The following HIVEP3 variants were observed in gnomAD, a reference collection of about 807,000 sequenced individuals.
HIVEP3 encodes transcription factor HIVEP3.
A neutral mutation model predicts 152.8 loss-of-function variants in HIVEP3; 49 were observed. The ratio of observed to expected loss-of-function variants is 0.32; its 90% CI spans 0.26 to 0.41. The LOEUF (loss-of-function observed/expected upper bound fraction) is 0.41. Among genes scored for constraint, HIVEP3 ranks in the 10% least tolerant of loss-of-function variants. The pLI is 1.00. For synonymous variants in HIVEP3, 1,269 were observed against 1,289.0 expected, an observed-to-expected ratio of 0.98 and a Z score of 0.33; for missense variants, 2,790 against 3,103.3, an observed-to-expected ratio of 0.90 and a Z score of 2.40.
At chr1:41,966,491 T>TTTTTTA (rs1645198782) in intron 1 of HIVEP3, among the ~76,000 whole-genome samples, 1 of 144,570 alleles carries the variant, frequency 6.9e-6, no homozygotes, top group African/African-American at 2.6e-5. Context: ...TTTTTTTTTT[T>TTTTTTA]GAGATGGAGT....
At chr1:41,946,525 G>T (rs1231111005) in intron 1 of HIVEP3, among the ~76,000 whole-genome samples, 1 of 152,190 alleles carries the variant, frequency 6.6e-6, no homozygotes, top group East Asian at 1.9e-4. Context: ...TGTGACTGGG[G>T]AACTTTACTC....
intron 2 of HIVEP3, among the ~76,000 whole-genome samples, chr1:41,638,797 C>T (rs1170577575): frequency 1.3e-5 from 2 of 152,206 alleles, no homozygotes; most frequent in African/African-American, 2.4e-5. Flanking sequence ...TGGTAGGGGC[C>T]GCATCCGGTC....
chr1:41,802,507 C>T (rs908533262), intron 1 of HIVEP3, among the ~76,000 whole-genome samples: 1 of 152,210 alleles, frequency 6.6e-6, no homozygotes, highest in Non-Finnish European at 1.5e-5. Context: ...TGAACCATTG[C>T]ACCTGGCCCC....
At chr1:41,988,506 G>A (rs565851491) in intron 1 of HIVEP3, among the ~76,000 whole-genome samples, 70 of 152,230 alleles carry the variant, frequency 4.6e-4, no homozygotes, top group Non-Finnish European at 7.9e-4. Flanking sequence ...AATTAAAATC[G>A]CAATTAGATA....
At chr1:41,975,470 T>C in intron 1 of HIVEP3, among the ~76,000 whole-genome samples, 1 of 152,262 alleles carries the variant, frequency 6.6e-6, no homozygotes, top group East Asian at 1.9e-4. Flanking sequence ...TCAGGAGATA[T>C]TGATTGAATG....
chr1:41,878,278 A>G (rs781070585), intron 1 of HIVEP3, among the ~76,000 whole-genome samples: 4 of 152,190 alleles, frequency 2.6e-5, no homozygotes, highest in Non-Finnish European at 5.9e-5. Flanking sequence ...ACTTTGCTCT[A>G]AAACACATAA....
intron 1 of HIVEP3, among the ~76,000 whole-genome samples, chr1:41,810,283 C>A (rs763895015): frequency 3.9e-5 from 6 of 152,194 alleles, no homozygotes; most frequent in Non-Finnish European, 8.8e-5. Flanking sequence ...AGTTGCTTAT[C>A]TCAAATAACT....
At chr1:41,514,551 C>T (rs1439622750) in intron 7 of HIVEP3, among the ~76,000 whole-genome samples, 3 of 152,194 alleles carry the variant, frequency 2.0e-5, no homozygotes, top group Non-Finnish European at 1.5e-5. Flanking sequence ...GGCTGCAGAG[C>T]AGGTCCCCAT....
chr1:41,987,161 C>T (rs1258540741), intron 1 of HIVEP3, among the ~76,000 whole-genome samples: 1 of 152,076 alleles, frequency 6.6e-6, no homozygotes, highest in African/African-American at 2.4e-5. Context: ...TTGAAGCTTA[C>T]AAGATAGTGA....
chr1:41,573,939 C>T (rs1408698991), intron 5 of HIVEP3, among the ~76,000 whole-genome samples: 3 of 152,090 alleles, frequency 2.0e-5, no homozygotes, highest in African/African-American at 7.2e-5. Context: ...GGTGATGTTC[C>T]CCCTCCTTCA....
intron 1 of HIVEP3, among the ~76,000 whole-genome samples, chr1:41,942,045 G>T (rs1645048657): frequency 6.6e-6 from 1 of 152,082 alleles, no homozygotes; most frequent in Admixed American, 6.5e-5. Flanking sequence ...AAAAAGGGAG[G>T]AAGGACATGG....
rs948551011 is a variant in HIVEP3 at position 41,804,323 on chromosome 1, G to A, written c.-800-103328C>T. On this transcript the variant is annotated intron_variant, in intron 1 of 8. Coordinates refer to ENST00000372583, the MANE Select transcript of HIVEP3 (RefSeq NM_024503.5). Reference sequence around the variant, plus strand: ...GTTTTCATGGCTCTCCCCACCAACCGACAGAAGGTTCCTGTGTGAAAGCTA... The same window carrying A: ...GTTTTCATGGCTCTCCCCACCAACCAACAGAAGGTTCCTGTGTGAAAGCTA... Among the ~76,000 whole-genome samples, 15 of 152,250 alleles carry A rather than the reference G, an allele frequency of 9.9e-5. No homozygotes were observed. The South Asian group carries it at 2.1e-3, about 21-fold the overall frequency.
rs371333646 is a variant in HIVEP3 at position 41,750,652 on chromosome 1, T to C, written c.-800-49657A>G. ...AAACCACTCAAGACCCTTGAAAATC[T>C]CTGTAGATTGGGCACTCTTTATCAC... On this transcript the variant is annotated intron_variant, in intron 1 of 8. Coordinates refer to ENST00000372583, the MANE Select transcript of HIVEP3 (RefSeq NM_024503.5). 8.6e-5 allele frequency among the ~76,000 whole-genome samples: 13 copies of C among 151,512 alleles called. No individual in the cohort carries two copies. The East Asian group carries it at 9.7e-4, about 11-fold the overall frequency.
intron 2 of HIVEP3, among the ~76,000 whole-genome samples, chr1:41,631,182 C>G (rs975230890): frequency 6.6e-6 from 1 of 152,258 alleles, no homozygotes; most frequent in Non-Finnish European, 1.5e-5. Context: ...CTGGTTTGCC[C>G]GCTGCAGGCA....
chr1:41,810,017 A>G (rs902333972), intron 1 of HIVEP3, among the ~76,000 whole-genome samples: 1 of 152,208 alleles, frequency 6.6e-6, no homozygotes, highest in Non-Finnish European at 1.5e-5. Context: ...GCAGCTGCCC[A>G]AATTGCAGCC....
intron 1 of HIVEP3, among the ~76,000 whole-genome samples, chr1:41,932,301 T>TTTTG (rs553094471): frequency 1.3e-5 from 2 of 151,904 alleles, no homozygotes; most frequent in Admixed American, 6.6e-5. Flanking sequence ...TGTTTTGTTT[T>TTTTG]TTTGTTTGTT....
intron 1 of HIVEP3, among the ~76,000 whole-genome samples, chr1:41,796,046 C>A (rs1236844815): frequency 6.6e-6 from 1 of 152,162 alleles, no homozygotes; most frequent in Non-Finnish European, 1.5e-5. Flanking sequence ...TTTCAGCGGA[C>A]AGAACTGGAA....
intron 1 of HIVEP3, among the ~76,000 whole-genome samples, chr1:41,868,347 T>G (rs567302461): frequency 1.6e-4 from 24 of 152,236 alleles, no homozygotes; most frequent in African/African-American, 5.5e-4. Context: ...GGGGACAGGA[T>G]GCCCTGCTGA....
intron 1 of HIVEP3, among the ~76,000 whole-genome samples, chr1:42,032,341 G>A (rs1300447853): frequency 3.3e-5 from 5 of 152,174 alleles, no homozygotes; most frequent in African/African-American, 1.2e-4. Context: ...CTGAGTGAAG[G>A]AAGAATACCC....
Sources: allele counts gnomAD v4.1 joint callset (sites outside exome capture counted in the v4.1 genomes callset), GRCh38; gene constraint gnomAD v4.1.1; transcripts MANE v1.5; gene names NCBI Gene and HGNC (gene_info 2026-07-23, HGNC 2026-07-21).